NFYC: variants seen among roughly 807,000 people sequenced by gnomAD.
NFYC encodes CAAT box DNA-binding protein subunit C.
NFYC carries 25 observed loss-of-function variants against 53.1 expected under a neutral mutation model. That is an observed-to-expected ratio of 0.47 (90% confidence interval 0.34 to 0.66). NFYC has a LOEUF of 0.66. Ranked by LOEUF, NFYC falls within the 30% of genes least tolerant of loss-of-function variation. The probability of loss-of-function intolerance (pLI) is 0.01; values close to 1 mark genes in which losing one functional copy is unlikely to be tolerated. For synonymous variants in NFYC, 145 were observed against 152.6 expected (o/e 0.95, Z 0.37); for missense variants, 260 against 422.7 (o/e 0.62, Z 3.38).
chr1:40,767,060 G>A lies in NFYC; in HGVS notation c.828+357G>A, dbSNP rs560624486. ...CCATCTTTAAACCCAAGTGGCTGTT[G>A]TGTTCTGGCACCTCCTGTGCTCTTT... On this transcript the variant is annotated intron_variant, in intron 8 of 9. Coordinates refer to ENST00000447388, the MANE Select transcript of NFYC (RefSeq NM_014223.5). The A allele has an allele frequency of 3.1e-6, 4 of 1,296,282 alleles. No individual in the cohort carries two copies. In the East Asian group the frequency reaches 1.0e-4, roughly 33 times the overall value. The allele number at this position is 1,296,282 out of a possible 1,614,324, so 80.3% of individuals were successfully genotyped here.
intron 1 of NFYC, chr1:40,712,859 A>G (rs981939275): frequency 6.6e-6 from 1 of 150,770 alleles, no homozygotes; most frequent in Admixed American, 6.6e-5. Flanking sequence ...TTTTTTATTT[A>G]TTTATTTTTA....
At chr1:40,721,570 GT>G (rs57312370) in intron 1 of NFYC, 3 of 150,638 alleles carry the variant, frequency 2.0e-5, no homozygotes, top group Non-Finnish European at 3.0e-5. Context: ...TTTTTTTGGG[GT>G]TTTTTTTTGA....
chr1:40,734,965 A>G (rs1317918925), intron 1 of NFYC: 4 of 152,216 alleles, frequency 2.6e-5, no homozygotes, highest in African/African-American at 7.2e-5. Flanking sequence ...CATAAAGGCC[A>G]TAACTCTAAA....
chr1:40,762,809 T>C (rs1646616692), intron 6 of NFYC, 79 bp from the exon 7 acceptor site: 3 of 1,358,018 alleles, frequency 2.2e-6, no homozygotes, highest in Admixed American at 5.2e-5. Flanking sequence ...CCCAGCACAT[T>C]GCTCGTTATT....
At chr1:40,730,916 G>A (rs1304855771) in intron 1 of NFYC, among the ~76,000 whole-genome samples, 1 of 152,180 alleles carries the variant, frequency 6.6e-6, no homozygotes, top group Non-Finnish European at 1.5e-5. Flanking sequence ...AAAGAAACCA[G>A]TTCCTGGCCG....
chr1:40,737,238 C>CAT lies in NFYC; in HGVS notation c.-8-1597_-8-1596dup, dbSNP rs1255242294. On this transcript the variant is annotated intron_variant, in intron 1 of 9. Coordinates refer to ENST00000447388, the MANE Select transcript of NFYC (RefSeq NM_014223.5). ...CTGTGTTATCTACAGTTATAGCTGA[C>CAT]ATGAGGATCCTTATTCATCTTCCCT... is the stretch of plus-strand genomic sequence containing the variant. Among the ~76,000 whole-genome samples the CAT allele has an allele frequency of 2.0e-5, 3 of 151,846 alleles. No individual in the cohort carries two copies. In the East Asian group the frequency reaches 5.8e-4, roughly 29 times the overall value.
chr1:40,761,050 G>T (rs528524762), intron 6 of NFYC, among the ~76,000 whole-genome samples: 28 of 152,286 alleles, frequency 1.8e-4, no homozygotes, highest in African/African-American at 6.0e-4. Flanking sequence ...GTTGTGCCCT[G>T]ACAGCAGGGC....
intron 2 of NFYC, among the ~76,000 whole-genome samples, chr1:40,746,449 A>C (rs1035194481): frequency 6.6e-6 from 1 of 152,210 alleles, no homozygotes; most frequent in Non-Finnish European, 1.5e-5. Flanking sequence ...TTGGTCTTGC[A>C]AAAGAAAGTT....
chr1:40,735,034 G>C (rs141770828), intron 1 of NFYC: 1 of 152,326 alleles, frequency 6.6e-6, no homozygotes, highest in Non-Finnish European at 1.5e-5. Context: ...TGTCTTACCA[G>C]TAAGCCAGTT....
chr1:40,692,286 G>A (rs889432964), intron 1 of NFYC: 1 of 157,486 alleles, frequency 6.3e-6, no homozygotes, highest in Non-Finnish European at 1.4e-5. Context: ...GCAGGCGTGG[G>A]GTTGCGGCGA....
chr1:40,746,925 C>T (rs1462362540), intron 2 of NFYC, among the ~76,000 whole-genome samples: 2 of 152,130 alleles, frequency 1.3e-5, no homozygotes, highest in Non-Finnish European at 2.9e-5. Flanking sequence ...TTCTATACTC[C>T]TCTACCCCCA....
At chr1:40,764,206 G>A (rs1299468550) in intron 7 of NFYC, among the ~76,000 whole-genome samples, 1 of 152,174 alleles carries the variant, frequency 6.6e-6, no homozygotes, top group Non-Finnish European at 1.5e-5. Context: ...CCTGCCCTTT[G>A]CCATTTTTGT....
intron 3 of NFYC, among the ~76,000 whole-genome samples, chr1:40,748,245 C>T (rs1319625738): frequency 1.3e-5 from 2 of 152,148 alleles, no homozygotes; most frequent in African/African-American, 4.8e-5. Flanking sequence ...GATCTTCCCA[C>T]CTCAGCCTCC....
chr1:40,756,678 T>G (rs1314488239), intron 5 of NFYC, among the ~76,000 whole-genome samples: 1 of 152,202 alleles, frequency 6.6e-6, no homozygotes, highest in Non-Finnish European at 1.5e-5. Context: ...TAGAGACTAC[T>G]TTTTTCTATT....
intron 1 of NFYC, among the ~76,000 whole-genome samples, chr1:40,721,387 C>T (rs1644320818): frequency 6.6e-6 from 1 of 152,110 alleles, no homozygotes; most frequent in African/African-American, 2.4e-5. Context: ...CTTTAGAGCT[C>T]CAAACAGAAT....
chr1:40,763,335 G>A (rs761258483), intron 7 of NFYC: 9 of 463,588 alleles, frequency 1.9e-5, no homozygotes, highest in East Asian at 1.3e-4. Flanking sequence ...TATATCACAC[G>A]CATGCATAAT....
chr1:40,755,145 C>G (rs1646140214), intron 5 of NFYC, among the ~76,000 whole-genome samples: 2 of 152,224 alleles, frequency 1.3e-5, no homozygotes, highest in South Asian at 4.1e-4. Context: ...CAGCAGTTCA[C>G]TCTTGCTACT....
chr1:40,757,639 T>G (rs1646299451), intron 5 of NFYC, among the ~76,000 whole-genome samples: 1 of 152,206 alleles, frequency 6.6e-6, no homozygotes. Flanking sequence ...AAGCCCTGTT[T>G]CCCATTAACC....
intron 2 of NFYC, among the ~76,000 whole-genome samples, chr1:40,739,811 G>A (rs1299569745): frequency 6.6e-6 from 1 of 152,148 alleles, no homozygotes; most frequent in Non-Finnish European, 1.5e-5. Context: ...TTTAAGTAAA[G>A]GGAACATTTT....
Sources: allele counts gnomAD v4.1 joint callset (sites outside exome capture counted in the v4.1 genomes callset), GRCh38; gene constraint gnomAD v4.1.1; transcripts MANE v1.5; gene names NCBI Gene and HGNC (gene_info 2026-07-23, HGNC 2026-07-21).